DENND5B: variants seen among roughly 807,000 people sequenced by gnomAD.
DENND5B encodes DENN domain containing 5B.
DENND5B carries 34 observed loss-of-function variants against 140.6 expected under a neutral mutation model. The observed-to-expected ratio is 0.24, with a 90% CI of 0.18 to 0.32. The LOEUF is 0.32. DENND5B is among the 10% of genes least tolerant of loss of function. The probability of loss-of-function intolerance (pLI) is 1.00; values close to 1 mark genes in which losing one functional copy is unlikely to be tolerated. For synonymous variants in DENND5B, 551 were observed against 562.1 expected (o/e 0.98, Z 0.28); for missense variants, 1,142 against 1,560.2 (o/e 0.73, Z 4.52).
intron 1 of DENND5B, among the ~76,000 whole-genome samples, chr12:31,569,805 C>CT (rs1166581833): frequency 6.6e-6 from 1 of 151,964 alleles, no homozygotes; most frequent in Admixed American, 6.6e-5. Flanking sequence ...GAGTGAGACT[C>CT]TGTCTCAAAA....
At chr12:31,515,646 G>T (rs1947606806) in intron 1 of DENND5B, among the ~76,000 whole-genome samples, 1 of 152,098 alleles carries the variant, frequency 6.6e-6, no homozygotes, top group Non-Finnish European at 1.5e-5. Context: ...ACAAAAAAAG[G>T]AATGAACTTG....
rs149671793 is a variant in DENND5B at position 31,414,468 on chromosome 12, C to T, written c.2552+899G>A. On this transcript the variant is annotated intron_variant, in intron 12 of 20. Transcript: ENST00000389082. ...TTATTTGCAGAATTTTTCTTCTGTA[C>T]CTTCTTCGGTGGGCAGAGGTGTTTA... 1.3e-3 allele frequency among the ~76,000 whole-genome samples: 191 copies of T among 152,132 alleles called. 1 individual carries two copies. Among genetic ancestry groups the T allele is most frequent in the African/African-American group, 4.1e-3 (172 of 41,492 alleles).
chr12:31,437,612 T>G (rs576956809), intron 7 of DENND5B, among the ~76,000 whole-genome samples: 10 of 152,314 alleles, frequency 6.6e-5, no homozygotes, highest in African/African-American at 2.2e-4. Context: ...TCAGTCCATA[T>G]GCATGTTTAA....
At chr12:31,504,478 T>C (rs1326531130) in intron 1 of DENND5B, among the ~76,000 whole-genome samples, 1 of 152,192 alleles carries the variant, frequency 6.6e-6, no homozygotes, top group Non-Finnish European at 1.5e-5. Context: ...TCAAAGTTAC[T>C]GGTAGAGATT....
At chr12:31,488,136 T>C (rs1173694201) in intron 2 of DENND5B, among the ~76,000 whole-genome samples, 1 of 150,240 alleles carries the variant, frequency 6.7e-6, no homozygotes, top group East Asian at 2.3e-4. Context: ...CGGCTATTTT[T>C]TTTTTTTTTT....
Position 31,385,133 on chromosome 12 carries a change from AAT to A in DENND5B, c.*2468_*2469del, listed in dbSNP as rs1352238555. On this transcript the variant is annotated 3_prime_UTR_variant, in exon 21 of 21. Transcript: ENST00000389082. ...CCCAATAATCTGAGAGCAATGTGTT[AAT>A]ATGAATATTAATTCTTCTAAATGAA... 4 of 152,160 alleles carry A rather than the reference AAT, an allele frequency of 2.6e-5. No homozygotes were observed. Among genetic ancestry groups the A allele is most frequent in the Admixed American group, 1.3e-4 (2 of 15,262 alleles). 9.4% of individuals were successfully genotyped at this position (152,160 alleles called of 1,614,324 possible). A position where few individuals can be genotyped will look rare whatever the true frequency, so the allele number is the denominator to read the frequency against.
At chr12:31,525,583 T>G (rs1336818147) in intron 1 of DENND5B, among the ~76,000 whole-genome samples, 1 of 152,206 alleles carries the variant, frequency 6.6e-6, no homozygotes, top group Admixed American at 6.5e-5. Flanking sequence ...GTTCTAACAT[T>G]TATTGTGGAA....
intron 9 of DENND5B, among the ~76,000 whole-genome samples, chr12:31,424,975 T>C (rs1037862422): frequency 2.1e-4 from 32 of 152,176 alleles, no homozygotes; most frequent in African/African-American, 7.7e-4. Flanking sequence ...AGTTGTCAAA[T>C]TATTAACTTC....
At chr12:31,441,296 G>C (rs552599944) in intron 7 of DENND5B, among the ~76,000 whole-genome samples, 1 of 152,216 alleles carries the variant, frequency 6.6e-6, no homozygotes, top group South Asian at 2.1e-4. Flanking sequence ...AATGAACCAT[G>C]ATCGGGCCAC....
intron 16 of DENND5B, 150 bp from the exon 17 acceptor site, chr12:31,398,512 G>A: frequency 1.4e-6 from 1 of 691,566 alleles, no homozygotes; most frequent in Non-Finnish European, 2.3e-6. Flanking sequence ...ACATTGCCCA[G>A]GCTGGTCTTG....
At chr12:31,586,992 CATG>C (rs2041752595) in intron 1 of DENND5B, among the ~76,000 whole-genome samples, 1 of 152,176 alleles carries the variant, frequency 6.6e-6, no homozygotes, top group Non-Finnish European at 1.5e-5. Flanking sequence ...TAGTTGAGAA[CATG>C]ATATGACATT....
chr12:31,523,916 T>G (rs1591979408), intron 1 of DENND5B, among the ~76,000 whole-genome samples: 1 of 151,918 alleles, frequency 6.6e-6, no homozygotes, highest in African/African-American at 2.4e-5. Flanking sequence ...TGATTAAGCT[T>G]ATTTTGTTCA....
At chr12:31,516,216 C>G (rs948685913) in intron 1 of DENND5B, among the ~76,000 whole-genome samples, 2 of 151,946 alleles carry the variant, frequency 1.3e-5, no homozygotes, top group African/African-American at 4.8e-5. Context: ...CACGGTGGCT[C>G]GCGTCTGTTA....
At chr12:31,405,603 A>G (rs1390399010) in intron 14 of DENND5B, among the ~76,000 whole-genome samples, 1 of 152,136 alleles carries the variant, frequency 6.6e-6, no homozygotes, top group Non-Finnish European at 1.5e-5. Context: ...GCTGGAGTGC[A>G]GTGGTGCAAT....
At chr12:31,424,864 TTA>T (rs1249846012) in intron 9 of DENND5B, among the ~76,000 whole-genome samples, 177 bp from the exon 10 acceptor site, 2 of 152,182 alleles carry the variant, frequency 1.3e-5, no homozygotes, top group African/African-American at 4.8e-5. Flanking sequence ...CTAATATAAT[TTA>T]TATGTCACTA....
intron 17 of DENND5B, among the ~76,000 whole-genome samples, chr12:31,397,259 A>G (rs1380087855): frequency 1.3e-5 from 2 of 152,130 alleles, no homozygotes; most frequent in East Asian, 1.9e-4. Flanking sequence ...TTAGAATAAG[A>G]GACACTGGGG....
chr12:31,486,627 C>A (rs1411612842), intron 2 of DENND5B, among the ~76,000 whole-genome samples: 1 of 152,192 alleles, frequency 6.6e-6, no homozygotes, highest in East Asian at 1.9e-4. Flanking sequence ...ACCTCAACTA[C>A]TTATTATTTG....
chr12:31,387,831 CT>C lies in DENND5B; in HGVS notation c.3642-46del, dbSNP rs781220935. On this transcript the variant is annotated intron_variant, in intron 20 of 20. Transcript: ENST00000389082. ...CAATTCCTGAGCATTGCTGGCCTCG[CT>C]GCAGAACAAGGCACACAGTGGAGTC... The C allele has an allele frequency of 1.4e-4, 224 of 1,580,106 alleles. No homozygotes were observed. In the South Asian group the frequency reaches 1.6e-3, roughly 12 times the overall value.
At chr12:31,494,886 C>T (rs1200756072) in intron 2 of DENND5B, among the ~76,000 whole-genome samples, 2 of 152,220 alleles carry the variant, frequency 1.3e-5, no homozygotes, top group Non-Finnish European at 2.9e-5. Context: ...CTCGGGCCTG[C>T]TCCCACCCTG....
Sources: allele counts gnomAD v4.1 joint callset (sites outside exome capture counted in the v4.1 genomes callset), GRCh38; gene constraint gnomAD v4.1.1; transcripts MANE v1.5; gene names NCBI Gene and HGNC (gene_info 2026-07-23, HGNC 2026-07-21).